The following STARD9 variants were observed in gnomAD, a reference collection of about 807,000 sequenced individuals.
STARD9 encodes the protein stAR-related lipid transfer protein 9.
A neutral mutation model predicts 399.8 loss-of-function variants in STARD9; 346 were observed. That is an observed-to-expected ratio of 0.87 (90% CI 0.79 to 0.95). The LOEUF (loss-of-function observed/expected upper bound fraction) is 0.95. STARD9 is among the 40% of genes least tolerant of loss of function. STARD9 has a pLI of 0.00. For synonymous variants in STARD9, 2,203 were observed against 2,143.5 expected (o/e 1.03, Z -0.77); for missense variants, 5,832 against 5,667.5 (o/e 1.03, Z -0.93).
At chr15:42,595,713 G>A (rs1293926133) in intron 3 of STARD9, among the ~76,000 whole-genome samples, 1 of 152,146 alleles carries the variant, frequency 6.6e-6, no homozygotes, top group Non-Finnish European at 1.5e-5. Flanking sequence ...TCCATCACTA[G>A]TGCTGGTTTT....
intron 3 of STARD9, among the ~76,000 whole-genome samples, chr15:42,614,595 C>T (rs1453451225): frequency 6.6e-6 from 1 of 152,154 alleles, no homozygotes; most frequent in East Asian, 1.9e-4. Flanking sequence ...TTTGGGAAAG[C>T]CATCTGGCAA....
At chr15:42,596,864 CTA>C (rs1214371931) in intron 3 of STARD9, among the ~76,000 whole-genome samples, 1 of 152,172 alleles carries the variant, frequency 6.6e-6, no homozygotes, top group African/African-American at 2.4e-5. Flanking sequence ...GTACAGAAGA[CTA>C]TAATGGTAAA....
intron 16 of STARD9, chr15:42,673,868 C>T: frequency 4.4e-6 from 2 of 455,244 alleles, no homozygotes; most frequent in Non-Finnish European, 8.8e-6. Flanking sequence ...CACTCTCTTC[C>T]AGTTCTTTTT....
chr15:42,715,965 G>C (rs181094278), intron 26 of STARD9, among the ~76,000 whole-genome samples: 63 of 152,332 alleles, frequency 4.1e-4, no homozygotes, highest in African/African-American at 1.4e-3. Context: ...AGGGCCTGCT[G>C]TCTGTGACAG....
intron 26 of STARD9, among the ~76,000 whole-genome samples, 172 bp downstream of exon 26, chr15:42,696,052 C>T (rs542162259): frequency 9.2e-5 from 14 of 152,368 alleles, no homozygotes; most frequent in African/African-American, 2.6e-4. Context: ...AGTTCTGCCC[C>T]CTGCTCCTTC....
chr15:42,669,516 C>A, intron 16 of STARD9, 179 bp downstream of exon 16: 1 of 517,038 alleles, frequency 1.9e-6, no homozygotes, highest in Admixed American at 3.1e-5. Context: ...GTTTTGCCTT[C>A]GTATGTATAG....
chr15:42,699,916 A>G (rs1176722321), intron 26 of STARD9, among the ~76,000 whole-genome samples: 3 of 152,206 alleles, frequency 2.0e-5, no homozygotes, highest in East Asian at 1.9e-4. Flanking sequence ...CATGTTAGCT[A>G]GGCTGGTCTC....
chr15:42,657,403 A>C (rs1466189369), intron 9 of STARD9, among the ~76,000 whole-genome samples: 4 of 151,950 alleles, frequency 2.6e-5, no homozygotes, highest in Non-Finnish European at 5.9e-5. Context: ...TAGAGACAGG[A>C]ATATTTCATA....
At chr15:42,627,148 T>A (rs1057396490) in intron 3 of STARD9, among the ~76,000 whole-genome samples, 1 of 152,052 alleles carries the variant, frequency 6.6e-6, no homozygotes. Context: ...ATACAAAAAT[T>A]AGCTGGGCAT....
intron 3 of STARD9, among the ~76,000 whole-genome samples, chr15:42,626,267 T>G (rs1050368245): frequency 6.9e-6 from 1 of 144,230 alleles, no homozygotes; most frequent in Non-Finnish European, 1.5e-5. Flanking sequence ...CCTCTTCCTC[T>G]TCCTCCTCCT....
At position 42,682,342 on chromosome 15, in the gene STARD9, C is replaced by G; in HGVS notation, c.2304C>G (p.Val768=). The change falls in exon 22 of 33, where the codon GTC becomes GTG. Residue 768 remains valine, a synonymous_variant. Coordinates refer to ENST00000290607, the MANE Select transcript of STARD9 (RefSeq NM_020759.3). ...AGCGGAATGTCCGGCGGAAAAAGGTCTCATTCCAGCTAGAGAGAATCATCA... is the reference window on the plus strand; with the variant it reads ...AGCGGAATGTCCGGCGGAAAAAGGTGTCATTCCAGCTAGAGAGAATCATCA... ...AAERNVRRKK[V]SFQLERIIKK... The G allele has an allele frequency of 1.3e-6, 2 of 1,537,286 alleles. No individual in the cohort carries two copies. The highest frequency in any genetic ancestry group is 1.7e-6 in the Non-Finnish European group (2 of 1,146,908).
intron 20 of STARD9, among the ~76,000 whole-genome samples, chr15:42,676,324 A>G (rs993853947): frequency 1.3e-5 from 2 of 152,062 alleles, no homozygotes; most frequent in African/African-American, 4.8e-5. Flanking sequence ...TTACCTTCCC[A>G]TATACTCCTT....
intron 22 of STARD9, among the ~76,000 whole-genome samples, chr15:42,683,437 A>C (rs908711704): frequency 6.6e-5 from 10 of 152,174 alleles, no homozygotes; most frequent in African/African-American, 2.2e-4. Flanking sequence ...CTTTAGTTCT[A>C]CATTTCTAAG....
intron 1 of STARD9, among the ~76,000 whole-genome samples, chr15:42,577,205 G>A (rs939024186): frequency 6.6e-6 from 1 of 151,704 alleles, no homozygotes; most frequent in South Asian, 2.1e-4. Context: ...CCAGGCTGGC[G>A]TTGAGTGGCG....
intron 26 of STARD9, among the ~76,000 whole-genome samples, chr15:42,715,451 G>A (rs909559982): frequency 2.0e-5 from 3 of 152,140 alleles, no homozygotes; most frequent in African/African-American, 7.2e-5. Context: ...AGGCCGCAGA[G>A]GGGAGGATCA....
intron 3 of STARD9, among the ~76,000 whole-genome samples, chr15:42,607,727 AG>A (rs1436071483): frequency 2.0e-5 from 3 of 151,928 alleles, no homozygotes; most frequent in African/African-American, 7.3e-5. Context: ...ATTGTTTTAC[AG>A]GTTTTTCCTA....
At position 42,661,229 on chromosome 15, in the gene STARD9, A is replaced by G. The variant is rs2059987561; in HGVS notation, c.770+4A>G. On this transcript the variant is annotated splice_donor_region_variant and intron_variant, in intron 10 of 32. Coordinates refer to ENST00000290607, the MANE Select transcript of STARD9 (RefSeq NM_020759.3). Reference sequence around the variant, plus strand: ...ACCTTGTGGACCTAGCAGGCAGGTAATTAGGATTTTAAAGCTAAGGGGAAT... The same window carrying G: ...ACCTTGTGGACCTAGCAGGCAGGTAGTTAGGATTTTAAAGCTAAGGGGAAT... 8.5e-6 allele frequency: 13 copies of G among 1,532,838 alleles called. No individual in the cohort carries two copies. Among genetic ancestry groups the G allele is most frequent in the Non-Finnish European group, 1.0e-5 (12 of 1,142,942 alleles). The allele number at this position is 1,532,838 out of a possible 1,614,324, so 95.0% of individuals were successfully genotyped here.
intron 3 of STARD9, among the ~76,000 whole-genome samples, chr15:42,631,207 G>C (rs2059325665): frequency 6.6e-6 from 1 of 151,976 alleles, no homozygotes; most frequent in Non-Finnish European, 1.5e-5. Flanking sequence ...TTTTGATATA[G>C]ATGCTTATTG....
chr15:42,639,115 A>G (rs1174370804), intron 7 of STARD9, among the ~76,000 whole-genome samples: 1 of 152,246 alleles, frequency 6.6e-6, no homozygotes, highest in African/African-American at 2.4e-5. Flanking sequence ...TGAGGTGATC[A>G]GGAAGAGCTT....
Sources: allele counts gnomAD v4.1 joint callset (sites outside exome capture counted in the v4.1 genomes callset), GRCh38; gene constraint gnomAD v4.1.1; transcripts MANE v1.5; gene names NCBI Gene and HGNC (gene_info 2026-07-23, HGNC 2026-07-21).